Variants in UNC5C observed in about 807,000 individuals in gnomAD.
UNC5C encodes the protein netrin receptor UNC5C.
UNC5C carries 47 observed loss-of-function variants against 99.8 expected under a neutral mutation model. That is an observed-to-expected ratio of 0.47 (90% confidence interval 0.37 to 0.60). The LOEUF (loss-of-function observed/expected upper bound fraction) is 0.60, where lower values mean the gene tolerates loss of function less well. Ranked by LOEUF, UNC5C falls within the 20% of genes least tolerant of loss-of-function variation. The probability of loss-of-function intolerance (pLI) is 0.00; values close to 1 mark genes in which losing one functional copy is unlikely to be tolerated. For synonymous variants in UNC5C, 487 were observed against 452.2 expected (o/e 1.08, Z -0.98); for missense variants, 1,062 against 1,165.9 (o/e 0.91, Z 1.30).
intron 1 of UNC5C, among the ~76,000 whole-genome samples, chr4:95,449,128 C>A: frequency 6.6e-6 from 1 of 152,232 alleles, no homozygotes; most frequent in East Asian, 1.9e-4. Context: ...TGTTCTAGAC[C>A]TGGCAGGACC....
intron 1 of UNC5C, among the ~76,000 whole-genome samples, chr4:95,357,533 A>C (rs1271350318): frequency 6.6e-6 from 1 of 152,100 alleles, no homozygotes; most frequent in African/African-American, 2.4e-5. Context: ...CTGTAATCCC[A>C]GCACTTTGGG....
intron 11 of UNC5C, 129 bp downstream of exon 11, chr4:95,206,499 C>G: frequency 7.4e-7 from 1 of 1,352,918 alleles, no homozygotes; most frequent in Non-Finnish European, 1.0e-6. Context: ...GCCTGTTTCT[C>G]TCTCATTTTG....
chr4:95,187,152 C>T (rs532594675), intron 12 of UNC5C, among the ~76,000 whole-genome samples: 1 of 152,248 alleles, frequency 6.6e-6, no homozygotes, highest in Non-Finnish European at 1.5e-5. Context: ...CTGATGTTCC[C>T]AGTGAACCTG....
chr4:95,387,730 T>C (rs1745251526), intron 1 of UNC5C, among the ~76,000 whole-genome samples: 1 of 152,236 alleles, frequency 6.6e-6, no homozygotes, highest in Non-Finnish European at 1.5e-5. Context: ...CCTGTAATAA[T>C]ACATCTTAAA....
intron 12 of UNC5C, among the ~76,000 whole-genome samples, chr4:95,200,525 A>G (rs1311305390): frequency 3.3e-5 from 5 of 152,260 alleles, no homozygotes; most frequent in Middle Eastern, 3.2e-3. Flanking sequence ...TGGATGATAC[A>G]TCTATAAAGT....
intron 10 of UNC5C, among the ~76,000 whole-genome samples, chr4:95,207,567 T>G (rs1286966933): frequency 6.6e-6 from 1 of 152,142 alleles, no homozygotes; most frequent in Admixed American, 6.5e-5. Context: ...AGGTATTGAG[T>G]GGATTGCCCC....
intron 10 of UNC5C, among the ~76,000 whole-genome samples, chr4:95,211,206 C>T (rs888924751): frequency 6.6e-6 from 1 of 152,118 alleles, no homozygotes; most frequent in Non-Finnish European, 1.5e-5. Flanking sequence ...GATGATAATC[C>T]CACCCTAGGC....
intron 1 of UNC5C, among the ~76,000 whole-genome samples, chr4:95,477,193 C>T (rs183319393): frequency 8.9e-4 from 136 of 152,002 alleles, no homozygotes; most frequent in African/African-American, 2.9e-3. Context: ...TATTAGGTTC[C>T]CTCTTGAGGT....
intron 3 of UNC5C, among the ~76,000 whole-genome samples, chr4:95,280,869 C>T (rs1269580077): frequency 2.0e-5 from 3 of 147,500 alleles, no homozygotes; most frequent in Admixed American, 6.7e-5. Flanking sequence ...GGATTTTCTA[C>T]ATTTTGCCAC....
chr4:95,250,980 G>A (rs1579267892), intron 4 of UNC5C, among the ~76,000 whole-genome samples: 2 of 152,198 alleles, frequency 1.3e-5, no homozygotes, highest in African/African-American at 4.8e-5. Flanking sequence ...CTGCAGGCAC[G>A]AATGGGGAAT....
chr4:95,171,845 A>C (rs971651990), intron 14 of UNC5C, among the ~76,000 whole-genome samples: 1 of 152,026 alleles, frequency 6.6e-6, no homozygotes, highest in Admixed American at 6.6e-5. Context: ...ACTAGTTTAC[A>C]GTCCCACCAA....
chr4:95,417,476 T>C (rs10004454), intron 1 of UNC5C, among the ~76,000 whole-genome samples: 8,795 of 152,256 alleles, frequency 0.058, 448 homozygotes, highest in African/African-American at 0.14. Context: ...CTGATGACCA[T>C]TTTGTAATTC....
At chr4:95,242,685 C>T (rs1739371146) in intron 6 of UNC5C, 92 bp from the exon 7 acceptor site, 1 of 1,338,524 alleles carries the variant, frequency 7.5e-7, no homozygotes, top group Non-Finnish European at 1.0e-6. Context: ...CAAAACAAAA[C>T]AAGAACAAGC....
chr4:95,502,493 A>G (rs1271358676), intron 1 of UNC5C, among the ~76,000 whole-genome samples: 1 of 152,094 alleles, frequency 6.6e-6, no homozygotes, highest in Non-Finnish European at 1.5e-5. Flanking sequence ...ACTGGTCTTT[A>G]AACTCCTGGC....
intron 3 of UNC5C, 39 bp from the exon 4 acceptor site, chr4:95,278,401 A>G: frequency 6.5e-7 from 1 of 1,539,270 alleles, no homozygotes; most frequent in Non-Finnish European, 9.0e-7. Context: ...TCAAAATTAA[A>G]CAACATTTTC....
intron 1 of UNC5C, among the ~76,000 whole-genome samples, chr4:95,354,479 A>ATATATATATATTTTTTTT: frequency 2.2e-4 from 24 of 110,338 alleles, no homozygotes; most frequent in Admixed American, 7.5e-4. Context: ...ATATATATAT[A>ATATATATATATTTTTTTT]TTTTTTTTTT....
intron 7 of UNC5C, among the ~76,000 whole-genome samples, chr4:95,226,026 G>T (rs990506523): frequency 1.1e-4 from 17 of 152,094 alleles, no homozygotes; most frequent in African/African-American, 4.1e-4. Flanking sequence ...GGAACAACAG[G>T]GAACATTTTC....
At chr4:95,409,282 T>A (rs1745912500) in intron 1 of UNC5C, among the ~76,000 whole-genome samples, 1 of 151,996 alleles carries the variant, frequency 6.6e-6, no homozygotes, top group African/African-American at 2.4e-5. Flanking sequence ...GGAAAAAAAA[T>A]GAAAATATGA....
At chr4:95,514,330 GTATAAA>G (rs1401722198) in intron 1 of UNC5C, among the ~76,000 whole-genome samples, 1 of 152,050 alleles carries the variant, frequency 6.6e-6, no homozygotes, top group African/African-American at 2.4e-5. Flanking sequence ...CCTTAATTAG[GTATAAA>G]TATAAAGTAA....
Sources: gnomAD v4.1 joint callset for allele counts (sites outside exome capture counted in the v4.1 genomes callset) on GRCh38, gnomAD v4.1.1 for gene constraint, MANE v1.5 for transcripts, NCBI Gene and HGNC (gene_info 2026-07-23, HGNC 2026-07-21) for gene names.